RIC1: variants seen among roughly 807,000 people sequenced by gnomAD.
The protein encoded by RIC1 is RIC1 partner of RAB6A GEF complex.
Under a neutral mutation model 169.0 loss-of-function variants are expected in RIC1, and 88 were observed. The observed-to-expected ratio is 0.52, with a 90% CI of 0.44 to 0.62. The LOEUF (loss-of-function observed/expected upper bound fraction) is 0.62. Among genes scored for constraint, RIC1 ranks in the 20% least tolerant of loss-of-function variants. RIC1 has a pLI of 0.00. For synonymous variants in RIC1, 790 were observed against 601.5 expected (o/e 1.31, Z -4.59); for missense variants, 1,877 against 1,725.5 (o/e 1.09, Z -1.56).
At chr9:5,683,054 T>C (rs1469724695) in intron 2 of RIC1, among the ~76,000 whole-genome samples, 1 of 152,228 alleles carries the variant, frequency 6.6e-6, no homozygotes, top group Non-Finnish European at 1.5e-5. Context: ...TTATTCTAGT[T>C]AGCCATTCGT....
intron 2 of RIC1, 95 bp from the exon 3 acceptor site, chr9:5,689,864 A>G: frequency 1.2e-6 from 1 of 808,664 alleles, no homozygotes; most frequent in Non-Finnish European, 1.9e-6. Flanking sequence ...TGGAGAATAA[A>G]TTTTTTTTCG....
chr9:5,633,984 T>C (rs767786950), intron 1 of RIC1, among the ~76,000 whole-genome samples: 12 of 152,206 alleles, frequency 7.9e-5, no homozygotes, highest in Non-Finnish European at 1.5e-4. Flanking sequence ...TATGAGATCA[T>C]GAAGTTGTTT....
At chr9:5,717,410 A>C (rs1031700930) in intron 4 of RIC1, among the ~76,000 whole-genome samples, 1 of 152,076 alleles carries the variant, frequency 6.6e-6, no homozygotes, top group Non-Finnish European at 1.5e-5. Context: ...ACCAGTGACT[A>C]CTCTGCTAAA....
intron 2 of RIC1, among the ~76,000 whole-genome samples, chr9:5,677,019 T>G (rs191392940): frequency 2.0e-3 from 300 of 152,368 alleles, no homozygotes; most frequent in African/African-American, 6.6e-3. Context: ...GATGCGTATT[T>G]CCTTTTCTGT....
At position 5,754,979 on chromosome 9, in the gene RIC1, T is replaced by G. The variant is rs371847370; in HGVS notation, c.1692+49T>G. On this transcript the variant is annotated intron_variant, in intron 15 of 25. Transcript: ENST00000414202. Reference sequence around the variant, plus strand: ...ACAGATTTTTATATTTTAAAGCTATTAAGCATGAATTAATTTTATATAGAA... The same window carrying G: ...ACAGATTTTTATATTTTAAAGCTATGAAGCATGAATTAATTTTATATAGAA... 38 of 1,182,092 alleles carry G rather than the reference T, an allele frequency of 3.2e-5. No individual in the cohort carries two copies. The African/African-American group carries it at 5.6e-4, about 18-fold the overall frequency. The allele number at this position is 1,182,092 out of a possible 1,614,324, so 73.2% of individuals were successfully genotyped here.
intron 6 of RIC1, among the ~76,000 whole-genome samples, chr9:5,730,747 T>A (rs1384641689): frequency 6.6e-6 from 1 of 152,146 alleles, no homozygotes; most frequent in African/African-American, 2.4e-5. Flanking sequence ...TTTCATGTAT[T>A]CTTTATTATA....
chr9:5,711,276 A>C (rs576074921), intron 3 of RIC1, among the ~76,000 whole-genome samples: 1 of 152,274 alleles, frequency 6.6e-6, no homozygotes, highest in South Asian at 2.1e-4. Flanking sequence ...CAGATTCAAA[A>C]GTTGTCAACA....
chr9:5,641,924 C>T (rs1385972013), intron 1 of RIC1, among the ~76,000 whole-genome samples: 1 of 144,128 alleles, frequency 6.9e-6, no homozygotes, highest in Non-Finnish European at 1.5e-5. Flanking sequence ...TTGGTCCCTG[C>T]CTTACTTAGT....
At chr9:5,664,082 T>A (rs755795038) in intron 2 of RIC1, among the ~76,000 whole-genome samples, 1 of 152,132 alleles carries the variant, frequency 6.6e-6, no homozygotes, top group African/African-American at 2.4e-5. Flanking sequence ...TCGCCAGATA[T>A]GAAATTCTGG....
chr9:5,771,133 C>T (rs1827190531), intron 23 of RIC1, among the ~76,000 whole-genome samples: 1 of 152,052 alleles, frequency 6.6e-6, no homozygotes, highest in Non-Finnish European at 1.5e-5. Context: ...TTAATTATGC[C>T]CACATTGTTC....
At chr9:5,713,242 T>C (rs1029873443) in intron 3 of RIC1, 2 of 152,166 alleles carry the variant, frequency 1.3e-5, no homozygotes, top group Admixed American at 1.3e-4. Flanking sequence ...TACCATGCCA[T>C]GTGGAGATAA....
At chr9:5,696,596 T>C (rs1821921601) in intron 3 of RIC1, among the ~76,000 whole-genome samples, 1 of 148,524 alleles carries the variant, frequency 6.7e-6, no homozygotes, top group African/African-American at 2.5e-5. Context: ...AATACCTTCT[T>C]ACTTAAAAAA....
intron 6 of RIC1, among the ~76,000 whole-genome samples, chr9:5,727,248 C>T (rs1824051961): frequency 2.0e-5 from 3 of 152,246 alleles, no homozygotes; most frequent in Admixed American, 1.3e-4. Context: ...AGGCTTTGTT[C>T]ATTTCTTTTT....
At chr9:5,651,078 TCA>T (rs1176115198) in intron 1 of RIC1, among the ~76,000 whole-genome samples, 4 of 152,132 alleles carry the variant, frequency 2.6e-5, no homozygotes, top group African/African-American at 9.7e-5. Flanking sequence ...AGCAGTGTCA[TCA>T]CATGGTCTCT....
chr9:5,690,104 C>A, intron 3 of RIC1, 66 bp downstream of exon 3: 3 of 1,135,274 alleles, frequency 2.6e-6, no homozygotes, highest in Non-Finnish European at 3.8e-6. Flanking sequence ...AAAAACATTA[C>A]AGTTTTGAGT....
chr9:5,751,833 T>G (rs1825742295), intron 12 of RIC1, among the ~76,000 whole-genome samples: 1 of 152,376 alleles, frequency 6.6e-6, no homozygotes, highest in African/African-American at 2.4e-5. Flanking sequence ...AGCATATTGC[T>G]TTTACTTAAT....
Position 5,684,909 on chromosome 9 carries a change from A to G in RIC1, c.253-5050A>G, listed in dbSNP as rs371519887. Among the ~76,000 whole-genome samples, 18 of 152,288 alleles carry G rather than the reference A, an allele frequency of 1.2e-4. No homozygotes were observed. The South Asian group carries it at 2.1e-3, about 18-fold the overall frequency. On this transcript the variant is annotated intron_variant, in intron 2 of 25. Coordinates refer to ENST00000414202, the MANE Select transcript of RIC1 (RefSeq NM_020829.4). ...AATTTTGTCTAATGCTTTTAATGCA[A>G]TGTATTCAGACTGTCATGGTTTTCC...
At chr9:5,758,706 CAT>C (rs1405927617) in intron 17 of RIC1, among the ~76,000 whole-genome samples, 3 of 146,290 alleles carry the variant, frequency 2.1e-5, no homozygotes, top group Non-Finnish European at 4.5e-5. Context: ...ACCCCTTAAG[CAT>C]CTTGGTCTCC....
chr9:5,683,911 A>T (rs953574990), intron 2 of RIC1, among the ~76,000 whole-genome samples: 1 of 152,092 alleles, frequency 6.6e-6, no homozygotes, highest in African/African-American at 2.4e-5. Flanking sequence ...GCTAGCAATG[A>T]GCGAGGCTCC....
Sources: gnomAD v4.1 joint callset for allele counts (sites outside exome capture counted in the v4.1 genomes callset) on GRCh38, gnomAD v4.1.1 for gene constraint, MANE v1.5 for transcripts, NCBI Gene and HGNC (gene_info 2026-07-23, HGNC 2026-07-21) for gene names.